Variants in TRIM66 observed in about 807,000 individuals in gnomAD.
TRIM66 encodes tripartite motif containing 66.
TRIM66 carries 99 observed loss-of-function variants against 148.2 expected under a neutral mutation model. That is an observed-to-expected ratio of 0.67 (90% CI 0.57 to 0.79). The LOEUF is 0.79. Ranked by LOEUF, TRIM66 falls within the 30% of genes least tolerant of loss-of-function variation. The probability of loss-of-function intolerance (pLI) is 0.00; values close to 1 mark genes in which losing one functional copy is unlikely to be tolerated. For synonymous variants in TRIM66, 616 were observed against 635.9 expected (o/e 0.97, Z 0.47); for missense variants, 1,666 against 1,697.9 (o/e 0.98, Z 0.33).
chr11:8,675,346 G>A (rs767180308), intron 3 of TRIM66, among the ~76,000 whole-genome samples: 2 of 152,124 alleles, frequency 1.3e-5, no homozygotes, highest in African/African-American at 4.8e-5. Context: ...AGAAAATATC[G>A]GACAAATTCC....
At chr11:8,681,369 G>A (rs1000488056) in intron 1 of TRIM66, among the ~76,000 whole-genome samples, 1 of 151,992 alleles carries the variant, frequency 6.6e-6, no homozygotes, top group Admixed American at 6.6e-5. Flanking sequence ...TCCTGACCTC[G>A]TGATCCGCCC....
rs932631510 is a variant in TRIM66, at chr11:8,622,965, T to C, written c.3020-89A>G. 5 of 1,171,762 alleles carry C rather than the reference T, an allele frequency of 4.3e-6. No individual in the cohort carries two copies. The African/African-American group carries it at 7.6e-5, about 18-fold the overall frequency. The allele number at this position is 1,171,762 out of a possible 1,614,324, so 72.6% of individuals were successfully genotyped here. A position where few individuals can be genotyped will look rare whatever the true frequency, so the allele number is the denominator to read the frequency against. ...ATCTTCTACTTATATCTGCTATTCA[T>C]ACCTTTGGCCACACATCTGTCATAC... is the stretch of plus-strand genomic sequence containing the variant. On this transcript the variant is annotated intron_variant, in intron 17 of 24. Transcript: ENST00000646038.
chr11:8,621,767 T>C lies in TRIM66; in HGVS notation c.3133A>G (p.Ile1045Val). Residue 1045 changes from isoleucine to valine, a missense_variant, in exon 19 of 25, where the codon ATC becomes GTC. Coordinates refer to ENST00000646038, the MANE Select transcript of TRIM66 (RefSeq NM_001388022.1). ...ATCTCTCCTGAGGAGGCAGCACAGATCTTGAGTCGCTCCAGTCGCACATAG... is the reference window on the plus strand; with the variant it reads ...ATCTCTCCTGAGGAGGCAGCACAGACCTTGAGTCGCTCCAGTCGCACATAG... ...IPYVRLERLK[I>V]CAASSGEMPV... 1 of 1,551,190 alleles carries C rather than the reference T, an allele frequency of 6.4e-7. No individual in the cohort carries two copies. Among genetic ancestry groups the C allele is most frequent in the Non-Finnish European group, 8.7e-7 (1 of 1,146,874 alleles).
At chr11:8,618,185 A>C (rs1014267653) in intron 24 of TRIM66, among the ~76,000 whole-genome samples, 182 bp from the exon 25 acceptor site, 22 of 152,206 alleles carry the variant, frequency 1.4e-4, no homozygotes, top group Non-Finnish European at 3.1e-4. Context: ...ACAACTGGGG[A>C]TGGCTGGCCA....
At chr11:8,662,384 C>T (rs574670503) in intron 6 of TRIM66, among the ~76,000 whole-genome samples, 8 of 152,194 alleles carry the variant, frequency 5.3e-5, no homozygotes, top group Non-Finnish European at 1.2e-4. Context: ...GCATCAGTTC[C>T]CCCTCTTTGG....
intron 17 of TRIM66, 63 bp from the exon 18 acceptor site, chr11:8,622,939 T>A: frequency 1.5e-6 from 2 of 1,367,968 alleles, no homozygotes; most frequent in South Asian, 2.5e-5. Flanking sequence ...CCGTCATGCA[T>A]ATCTTCTACT....
chr11:8,634,765 G>A lies in TRIM66; in HGVS notation c.2310+3889C>T, dbSNP rs188712893. Among the ~76,000 whole-genome samples the A allele has an allele frequency of 8.7e-4, 132 of 152,222 alleles. 1 individual carries two copies. Among genetic ancestry groups the A allele is most frequent in the African/African-American group, 3.0e-3 (125 of 41,514 alleles). ...TCAGCCGCAACCTGTTTCCACCATC[G>A]GCTCACATAGCACCAACTCCAAGGT... On this transcript the variant is annotated intron_variant, in intron 15 of 24. Coordinates refer to ENST00000646038, the MANE Select transcript of TRIM66 (RefSeq NM_001388022.1).
At chr11:8,682,945 C>G, upstream of TRIM66, 1 of 1,301,822 alleles carries the variant, frequency 7.7e-7, no homozygotes, top group Non-Finnish European at 1.1e-6. Flanking sequence ...GCCTGCGGGG[C>G]AGGGTGGCCG....
intron 6 of TRIM66, chr11:8,663,024 T>C (rs2038362253): frequency 2.0e-5 from 3 of 152,236 alleles, no homozygotes; most frequent in Admixed American, 6.5e-5. Context: ...TAGCCCCAAG[T>C]AGATATTCTC....
At chr11:8,618,102 AT>A in intron 24 of TRIM66, 99 bp from the exon 25 acceptor site, 1 of 1,154,046 alleles carries the variant, frequency 8.7e-7, no homozygotes, top group Non-Finnish European at 1.3e-6. Context: ...AAGTCAACGT[AT>A]TTTATTCTAC....
intron 6 of TRIM66, among the ~76,000 whole-genome samples, chr11:8,652,677 C>T (rs1294217481): frequency 2.0e-5 from 3 of 152,162 alleles, no homozygotes; most frequent in Non-Finnish European, 2.9e-5. Context: ...GCCGGCCCAC[C>T]GCAAGGGCAG....
At chr11:8,648,600 T>C in intron 8 of TRIM66, 52 bp from the exon 9 acceptor site, 3 of 1,546,126 alleles carry the variant, frequency 1.9e-6, no homozygotes, top group Non-Finnish European at 2.6e-6. Context: ...TAGACAAACC[T>C]CTCAGTTAAG....
chr11:8,628,636 A>AAAAAAAAAAAGAGAGAGAGAG (rs1555042270), intron 15 of TRIM66, among the ~76,000 whole-genome samples: 5 of 93,396 alleles, frequency 5.4e-5, no homozygotes, highest in African/African-American at 1.4e-4. Context: ...AAAAAAAAAA[A>AAAAAAAAAAAGAGAGAGAGAG]AGAGAGAGAA....
chr11:8,646,659 C>T lies in TRIM66; in HGVS notation c.843-98G>A, dbSNP rs2036873640. 1.1e-5 allele frequency: 10 copies of T among 913,152 alleles called. No homozygotes were observed. The Admixed American group carries it at 1.2e-4, about 11-fold the overall frequency. 56.6% of individuals were successfully genotyped at this position (913,152 alleles called of 1,614,324 possible). A position where few individuals can be genotyped will look rare whatever the true frequency, so the allele number is the denominator to read the frequency against. On this transcript the variant is annotated intron_variant, in intron 10 of 24. Transcript: ENST00000646038. ...TAAGAACCAACTTGGAGGCTGCCTA[C>T]TGAGATCAGGGCCTAGCAGACACCA... is the stretch of plus-strand genomic sequence containing the variant.
At chr11:8,664,989 A>G (rs1240502751) in intron 6 of TRIM66, among the ~76,000 whole-genome samples, 2 of 152,288 alleles carry the variant, frequency 1.3e-5, no homozygotes, top group Non-Finnish European at 2.9e-5. Flanking sequence ...ACAGGTTTAT[A>G]GAAATGAACT....
chr11:8,629,397 T>C (rs1163910995), intron 15 of TRIM66, among the ~76,000 whole-genome samples: 2 of 152,224 alleles, frequency 1.3e-5, no homozygotes, highest in African/African-American at 4.8e-5. Context: ...GAGAATTATA[T>C]AGATGTCTCT....
intron 6 of TRIM66, 105 bp from the exon 7 acceptor site, chr11:8,652,008 C>G: frequency 2.4e-6 from 2 of 835,924 alleles, no homozygotes; most frequent in Non-Finnish European, 3.7e-6. Context: ...CATGGCAATA[C>G]CCATGTGTGC....
intron 1 of TRIM66, among the ~76,000 whole-genome samples, chr11:8,681,634 T>TAA (rs1399077929): frequency 1.4e-5 from 2 of 141,728 alleles, no homozygotes; most frequent in African/African-American, 4.9e-5. Context: ...GGAACCGACT[T>TAA]AAGAGCGAAG....
At chr11:8,654,873 T>G (rs560174301) in intron 6 of TRIM66, among the ~76,000 whole-genome samples, 28 of 152,298 alleles carry the variant, frequency 1.8e-4, no homozygotes, top group African/African-American at 5.5e-4. Context: ...GTTTTTGTTT[T>G]TTTTTGACGT....
Sources: allele counts gnomAD v4.1 joint callset (sites outside exome capture counted in the v4.1 genomes callset), GRCh38; gene constraint gnomAD v4.1.1; transcripts MANE v1.5; gene names NCBI Gene and HGNC (gene_info 2026-07-23, HGNC 2026-07-21).